CADM2: variants seen among roughly 807,000 people sequenced by gnomAD.
CADM2 encodes the protein cell adhesion molecule 2.
In CADM2, 12 loss-of-function variants were observed where a neutral mutation model predicts 49.8. The ratio of observed to expected loss-of-function variants is 0.24; its 90% CI spans 0.15 to 0.39. CADM2 has a LOEUF of 0.39. Among genes scored for constraint, CADM2 ranks in the 10% least tolerant of loss-of-function variants. CADM2 has a pLI of 1.00. For synonymous variants in CADM2, 214 were observed against 175.4 expected (o/e 1.22, Z -1.74); for missense variants, 378 against 492.3 (o/e 0.77, Z 2.20).
intron 1 of CADM2, among the ~76,000 whole-genome samples, chr3:84,979,111 C>T (rs141452708): frequency 2.6e-4 from 39 of 152,212 alleles, no homozygotes; most frequent in African/African-American, 8.9e-4. Flanking sequence ...GACTCCAATT[C>T]AGCAGCTAAA....
chr3:86,006,867 C>T (rs1218469049), intron 8 of CADM2, among the ~76,000 whole-genome samples: 1 of 151,706 alleles, frequency 6.6e-6, no homozygotes, highest in African/African-American at 2.4e-5. Flanking sequence ...ATGGTGAAAC[C>T]CCATCTCTAC....
chr3:85,162,073 G>A (rs1014581884), intron 1 of CADM2, among the ~76,000 whole-genome samples: 52 of 151,966 alleles, frequency 3.4e-4, no homozygotes, highest in Admixed American at 1.5e-3. Flanking sequence ...AACCGTCAGT[G>A]ATTGGTTGCC....
chr3:85,231,361 C>G (rs1353757481), intron 1 of CADM2, among the ~76,000 whole-genome samples: 5 of 151,816 alleles, frequency 3.3e-5, no homozygotes, highest in Non-Finnish European at 5.9e-5. Context: ...TTCATAGCTA[C>G]TAGTTTTTCT....
At chr3:85,826,731 G>T (rs1283211465) in intron 3 of CADM2, among the ~76,000 whole-genome samples, 4 of 151,964 alleles carry the variant, frequency 2.6e-5, no homozygotes, top group Non-Finnish European at 4.4e-5. Context: ...ATGGCAGACA[G>T]ATATTCTCAG....
At chr3:85,676,806 C>T (rs1278339737) in intron 1 of CADM2, among the ~76,000 whole-genome samples, 3 of 152,036 alleles carry the variant, frequency 2.0e-5, no homozygotes, top group African/African-American at 7.3e-5. Context: ...TTTAACACTT[C>T]TTTGTCATCC....
chr3:85,471,968 G>A (rs538235524), intron 1 of CADM2, among the ~76,000 whole-genome samples: 7 of 151,838 alleles, frequency 4.6e-5, no homozygotes, highest in African/African-American at 1.7e-4. Flanking sequence ...CAAATTAAAT[G>A]TGTTCAATCT....
chr3:85,176,131 A>C (rs1021822829), intron 1 of CADM2, among the ~76,000 whole-genome samples: 1 of 152,034 alleles, frequency 6.6e-6, no homozygotes, highest in African/African-American at 2.4e-5. Context: ...AGTGTGGTCC[A>C]GGCCAATGTG....
chr3:85,110,031 T>C (rs1469465519), intron 1 of CADM2, among the ~76,000 whole-genome samples: 3 of 151,952 alleles, frequency 2.0e-5, no homozygotes, highest in Non-Finnish European at 2.9e-5. Flanking sequence ...AATTACTATC[T>C]GGTTTAGGAG....
At chr3:85,329,384 C>A (rs2044847017) in intron 1 of CADM2, among the ~76,000 whole-genome samples, 2 of 131,938 alleles carry the variant, frequency 1.5e-5, no homozygotes, top group Admixed American at 8.0e-5. Flanking sequence ...AACACATACA[C>A]ACACACAGAC....
intron 1 of CADM2, among the ~76,000 whole-genome samples, chr3:85,093,436 G>A (rs573063297): frequency 1.3e-5 from 2 of 151,086 alleles, no homozygotes; most frequent in Admixed American, 6.6e-5. Context: ...AGAATCGTTT[G>A]AACACGGGAG....
At chr3:85,654,210 G>A (rs1316905091) in intron 1 of CADM2, among the ~76,000 whole-genome samples, 1 of 152,124 alleles carries the variant, frequency 6.6e-6, no homozygotes, top group East Asian at 1.9e-4. Flanking sequence ...GGTCAGGAGA[G>A]GTATTTATCA....
At chr3:85,774,812 A>T (rs72906497) in intron 2 of CADM2, among the ~76,000 whole-genome samples, 6,111 of 151,770 alleles carry the variant, frequency 0.04, 392 homozygotes, top group African/African-American at 0.14. Context: ...TGGGAAGCCT[A>T]TGAAAACACT....
At chr3:86,035,497 T>C (rs1205389778) in intron 8 of CADM2, among the ~76,000 whole-genome samples, 1 of 152,064 alleles carries the variant, frequency 6.6e-6, no homozygotes, top group Non-Finnish European at 1.5e-5. Flanking sequence ...TTAAAAAAAC[T>C]ACCTCACACA....
intron 1 of CADM2, among the ~76,000 whole-genome samples, chr3:85,705,415 A>G (rs919201802): frequency 2.6e-5 from 4 of 152,162 alleles, no homozygotes; most frequent in African/African-American, 4.8e-5. Context: ...GTTCAAGTTC[A>G]CATTAGTAAA....
chr3:85,945,032 A>G (rs1381377625), intron 7 of CADM2, among the ~76,000 whole-genome samples: 3 of 152,048 alleles, frequency 2.0e-5, no homozygotes, highest in Non-Finnish European at 2.9e-5. Flanking sequence ...GACCGCTAGC[A>G]AGACTAATAA....
chr3:85,349,082 A>T (rs2031072870), intron 1 of CADM2, among the ~76,000 whole-genome samples: 1 of 152,104 alleles, frequency 6.6e-6, no homozygotes, highest in Non-Finnish European at 1.5e-5. Flanking sequence ...CTGTTCTGAA[A>T]ATCTTTATCA....
chr3:85,221,323 G>T (rs2042039739), intron 1 of CADM2, among the ~76,000 whole-genome samples: 1 of 152,048 alleles, frequency 6.6e-6, no homozygotes, highest in Non-Finnish European at 1.5e-5. Context: ...GGAAAAAAAT[G>T]CTAGTAATCT....
intron 1 of CADM2, among the ~76,000 whole-genome samples, chr3:85,283,127 T>C (rs941775662): frequency 6.6e-6 from 1 of 152,044 alleles, no homozygotes; most frequent in African/African-American, 2.4e-5. Flanking sequence ...TTATATTCAT[T>C]GGATAATGAT....
At chr3:85,169,578 C>T (rs1185371790) in intron 1 of CADM2, among the ~76,000 whole-genome samples, 1 of 151,918 alleles carries the variant, frequency 6.6e-6, no homozygotes, top group Non-Finnish European at 1.5e-5. Flanking sequence ...TGCAGATGAG[C>T]CTGGCCAACA....
Sources: allele counts gnomAD v4.1 joint callset (sites outside exome capture counted in the v4.1 genomes callset), GRCh38; gene constraint gnomAD v4.1.1; transcripts MANE v1.5; gene names NCBI Gene and HGNC (gene_info 2026-07-23, HGNC 2026-07-21).